The following ARHGEF10L variants were observed in gnomAD, a reference collection of about 807,000 sequenced individuals.
The protein encoded by ARHGEF10L is Rho guanine nucleotide exchange factor 10 like.
ARHGEF10L carries 69 observed loss-of-function variants against 141.2 expected under a neutral mutation model. The observed-to-expected ratio is 0.49, with a 90% CI of 0.40 to 0.60. ARHGEF10L has a LOEUF of 0.60. Among genes scored for constraint, ARHGEF10L ranks in the 20% least tolerant of loss-of-function variants. ARHGEF10L has a pLI of 0.00. For synonymous variants in ARHGEF10L, 711 were observed against 718.5 expected, an observed-to-expected ratio of 0.99 and a Z score of 0.17; for missense variants, 1,482 against 1,734.3, an observed-to-expected ratio of 0.85 and a Z score of 2.58.
At chr1:17,576,160 A>T (rs542550766) in intron 1 of ARHGEF10L, among the ~76,000 whole-genome samples, 40 of 147,122 alleles carry the variant, frequency 2.7e-4, no homozygotes, top group African/African-American at 9.1e-4. Context: ...GGGCAGCTTG[A>T]TGTGTGAGGG....
At chr1:17,677,603 AG>A (rs982032759) in intron 26 of ARHGEF10L, among the ~76,000 whole-genome samples, 23 of 151,628 alleles carry the variant, frequency 1.5e-4, no homozygotes, top group East Asian at 1.4e-3. Flanking sequence ...GAGGGAGATC[AG>A]GGGGGGAGAG....
chr1:17,671,853 G>T (rs958265822), intron 26 of ARHGEF10L, among the ~76,000 whole-genome samples: 6 of 152,214 alleles, frequency 3.9e-5, no homozygotes, highest in Non-Finnish European at 8.8e-5. Context: ...TATCCCCATG[G>T]CCCAAGGCCA....
chr1:17,523,344 C>G, the ARHGEF10L span, among the ~76,000 whole-genome samples: 1 of 152,098 alleles, frequency 6.6e-6, no homozygotes, highest in East Asian at 1.9e-4. Context: ...CCGCCTTGGC[C>G]TCCTAAAGTG....
rs1391520152 is a variant in ARHGEF10L, at chr1:17,603,817, G to T, written c.433+226G>T. ...GCATCATGGGCAGGGCCATGCTCCG[G>T]CTATGGGTCCCCGGGCAGGTAATCA... is the stretch of plus-strand genomic sequence containing the variant. On this transcript the variant is annotated intron_variant, in intron 6 of 28. Transcript: ENST00000361221. The surrounding 1 kb of genome is among the most constrained non-coding windows in gnomAD (Gnocchi z 4.8). 6.6e-6 allele frequency among the ~76,000 whole-genome samples: 1 copy of T among 152,240 alleles called. No individual in the cohort carries two copies. The highest frequency in any genetic ancestry group is 2.1e-4 in the South Asian group (1 of 4,834).
chr1:17,518,543 G>A, the ARHGEF10L span, among the ~76,000 whole-genome samples: 1 of 152,134 alleles, frequency 6.6e-6, no homozygotes, highest in Non-Finnish European at 1.5e-5. Flanking sequence ...TATAATCCCA[G>A]CACTTTGGGA....
At chr1:17,554,799 C>G (rs1358702087) in intron 1 of ARHGEF10L, among the ~76,000 whole-genome samples, 1 of 152,026 alleles carries the variant, frequency 6.6e-6, no homozygotes, top group Non-Finnish European at 1.5e-5. Context: ...CCACGTTGCC[C>G]AGGCTGGTCT....
At chr1:17,642,741 C>T (rs1338400833) in intron 21 of ARHGEF10L, among the ~76,000 whole-genome samples, 1 of 152,226 alleles carries the variant, frequency 6.6e-6, no homozygotes, top group Non-Finnish European at 1.5e-5. Flanking sequence ...GCTGTCCTGT[C>T]CCTGGCAGAA....
At position 17,623,101 on chromosome 1, in the gene ARHGEF10L, T is replaced by C. The variant is rs1396748285; in HGVS notation, c.1126T>C (p.Phe376Leu). The C allele has an allele frequency of 1.2e-5, 19 of 1,613,994 alleles. No individual in the cohort carries two copies. The East Asian group carries it at 4.2e-4, about 36-fold the overall frequency. The change falls in exon 12 of 29, where the codon TTC becomes CTC. Residue 376 changes from phenylalanine to leucine, a missense_variant. This residue lies in a region of ARHGEF10L where 392 missense variants were observed against 542.1 expected (regional missense o/e 0.72). Transcript: ENST00000361221. This position sits in a 1 kb window ranked among gnomAD's most constrained non-coding sequence, Gnocchi z 4.7. ...GGAGATCCTGCACTGCCACTCCATG[T>C]TCCAGATCGCCCTGTCCTCCCGCGT... ...VKEILHCHSM[F>L]QIALSSRVAE...
At chr1:17,578,379 A>G (rs1331753211) in intron 1 of ARHGEF10L, among the ~76,000 whole-genome samples, 1 of 152,226 alleles carries the variant, frequency 6.6e-6, no homozygotes, top group African/African-American at 2.4e-5. Flanking sequence ...AGTAACTGGT[A>G]TCATCAGTCA....
intron 22 of ARHGEF10L, among the ~76,000 whole-genome samples, chr1:17,650,258 T>TA (rs1214988352): frequency 1.4e-5 from 2 of 146,144 alleles, no homozygotes; most frequent in African/African-American, 2.5e-5. Flanking sequence ...AAAATAAAAA[T>TA]AAAAAAAAAT....
intron 1 of ARHGEF10L, among the ~76,000 whole-genome samples, chr1:17,545,872 C>T (rs934939877): frequency 1.3e-5 from 2 of 152,198 alleles, no homozygotes; most frequent in East Asian, 1.9e-4. Context: ...GCCTCTGAAC[C>T]TTTGCACATG....
chr1:17,666,360 C>T (rs1274968927), intron 26 of ARHGEF10L, among the ~76,000 whole-genome samples: 3 of 152,206 alleles, frequency 2.0e-5, no homozygotes, highest in Non-Finnish European at 2.9e-5. Context: ...TGGAGTTACC[C>T]AGCCCAGCTC....
At chr1:17,554,310 C>T (rs991068315) in intron 1 of ARHGEF10L, among the ~76,000 whole-genome samples, 3 of 152,156 alleles carry the variant, frequency 2.0e-5, no homozygotes, top group African/African-American at 7.2e-5. Context: ...GAGCCCAGCC[C>T]AGGGGGCAGG....
In ARHGEF10L at chr1:17,551,223, G is replaced by A. The variant is rs575468717; in HGVS notation, c.-44+11273G>A. On this transcript the variant is annotated intron_variant, in intron 1 of 28. Transcript: ENST00000361221. ...AACACATATTTACTAAGCACCTACT[G>A]AATGCTGTGCACTGGGCAAGGAACT... Among the ~76,000 whole-genome samples the A allele has an allele frequency of 2.6e-5, 4 of 152,250 alleles. No homozygotes were observed. In the South Asian group the frequency reaches 8.3e-4, roughly 32 times the overall value.
chr1:17,551,351 T>TC (rs5772762), intron 1 of ARHGEF10L, among the ~76,000 whole-genome samples: 121,607 of 151,684 alleles, frequency 0.8, 48,948 homozygotes, highest in East Asian at 0.95. Context: ...GTGGAGGGAC[T>TC]CCGAGGAGGC....
chr1:17,523,708 G>A, the ARHGEF10L span, among the ~76,000 whole-genome samples: 2 of 152,172 alleles, frequency 1.3e-5, no homozygotes, highest in Non-Finnish European at 2.9e-5. Flanking sequence ...CCTTTGGGTT[G>A]GGCTACAGTG....
intron 5 of ARHGEF10L, 138 bp downstream of exon 5, chr1:17,602,356 G>C: frequency 1.0e-6 from 1 of 979,704 alleles, no homozygotes; most frequent in Non-Finnish European, 1.5e-6. Context: ...TGGCCCTGGA[G>C]GACCAACCAC....
the ARHGEF10L span, among the ~76,000 whole-genome samples, chr1:17,526,942 G>A: frequency 6.6e-6 from 1 of 151,548 alleles, no homozygotes; most frequent in Admixed American, 6.6e-5. Context: ...CTCAGGGATG[G>A]CAGGATGCCT....
chr1:17,688,027 C>T (rs1349074809), intron 27 of ARHGEF10L, among the ~76,000 whole-genome samples: 2 of 152,232 alleles, frequency 1.3e-5, no homozygotes, highest in African/African-American at 2.4e-5. Context: ...AGTCAGGCAG[C>T]TGCTAAGGAA....
Sources: gnomAD v4.1 joint callset for allele counts (sites outside exome capture counted in the v4.1 genomes callset) on GRCh38, gnomAD v4.1.1 for gene constraint, gnomAD v4.1.1 regional missense constraint, Gnocchi (gnomAD v3.1) non-coding constraint, MANE v1.5 for transcripts, NCBI Gene and HGNC (gene_info 2026-07-23, HGNC 2026-07-21) for gene names.